LDB2: variants seen among roughly 807,000 people sequenced by gnomAD.
The protein encoded by LDB2 is LIM domain-binding protein 2.
Under a neutral mutation model 44.3 loss-of-function variants are expected in LDB2, and 12 were observed. The ratio of observed to expected loss-of-function variants is 0.27; its 90% confidence interval spans 0.17 to 0.44. LDB2 has a LOEUF of 0.44. LDB2 is among the 20% of genes least tolerant of loss of function. LDB2 has a pLI of 1.00. For missense variants in LDB2, 344 were observed against 473.5 expected, an observed-to-expected ratio of 0.73 and a Z score of 2.54; for synonymous variants, 164 against 174.8, an observed-to-expected ratio of 0.94 and a Z score of 0.49.
At chr4:16,725,986 C>T (rs1484911016) in intron 2 of LDB2, among the ~76,000 whole-genome samples, 1 of 148,194 alleles carries the variant, frequency 6.7e-6, no homozygotes, top group African/African-American at 2.5e-5. Flanking sequence ...ATAAAATATC[C>T]ATTATATACT....
Position 16,502,571 on chromosome 4 carries a change from CTGTAAGTAAAGATT to C in LDB2, c.*58_*71del. ...GTTTTTATCTCTTCTGTTTCCTCTC[CTGTAAGTAAAGATT>C]TGCAATTGTAATGATCACCCACGGG... is the stretch of plus-strand genomic sequence containing the variant. On this transcript the variant is annotated 3_prime_UTR_variant, in exon 8 of 8. Transcript: ENST00000304523. 6.4e-7 allele frequency: 1 copy of C among 1,572,950 alleles called. No individual in the cohort carries two copies. The highest frequency in any genetic ancestry group is 8.7e-7 in the Non-Finnish European group (1 of 1,146,262).
In LDB2 at chr4:16,548,463, G is replaced by T. The variant is rs190534168; in HGVS notation, c.616-36359C>A. Among the ~76,000 whole-genome samples, 7 of 152,236 alleles carry T rather than the reference G, an allele frequency of 4.6e-5. No homozygotes were observed. In the East Asian group the frequency reaches 1.4e-3, roughly 29 times the overall value. On this transcript the variant is annotated intron_variant, in intron 5 of 7. Coordinates refer to ENST00000304523, the MANE Select transcript of LDB2 (RefSeq NM_001290.5). ...CAGCCTCTTCCAGACACTCTCCACT[G>T]CCCTGCAAGCTGAAGGGTAATGATC...
intron 2 of LDB2, among the ~76,000 whole-genome samples, chr4:16,624,317 G>A (rs13107321): frequency 0.36 from 54,258 of 151,804 alleles, 9,828 homozygotes; most frequent in East Asian, 0.56. Context: ...GGCTAGTCTC[G>A]AACTCCTGGG....
At chr4:16,628,687 A>G (rs1451098410) in intron 2 of LDB2, among the ~76,000 whole-genome samples, 1 of 152,140 alleles carries the variant, frequency 6.6e-6, no homozygotes, top group African/African-American at 2.4e-5. Flanking sequence ...AGCGAGATAG[A>G]CGCAGAAGAT....
chr4:16,746,726 G>A (rs1317674427), intron 2 of LDB2, among the ~76,000 whole-genome samples: 1 of 152,232 alleles, frequency 6.6e-6, no homozygotes, highest in African/African-American at 2.4e-5. Context: ...GGCGGAGGTT[G>A]CAGTGAGTCT....
intron 5 of LDB2, among the ~76,000 whole-genome samples, chr4:16,583,076 G>A (rs1000772591): frequency 6.6e-5 from 10 of 152,148 alleles, no homozygotes; most frequent in Non-Finnish European, 1.0e-4. Flanking sequence ...TCAGGGTCTC[G>A]CCTGCTCCTC....
At chr4:16,758,088 A>G (rs1382801779) in intron 2 of LDB2, among the ~76,000 whole-genome samples, 1 of 152,214 alleles carries the variant, frequency 6.6e-6, no homozygotes, top group Non-Finnish European at 1.5e-5. Flanking sequence ...ATGTGCATAT[A>G]TTAGCATAAT....
At position 16,550,590 on chromosome 4, in the gene LDB2, A is replaced by G. The variant is rs903410725; in HGVS notation, c.615+35332T>C. Among the ~76,000 whole-genome samples, 11 of 152,370 alleles carry G rather than the reference A, an allele frequency of 7.2e-5. No individual in the cohort carries two copies. In the East Asian group the frequency reaches 2.1e-3, roughly 29 times the overall value. ...AGAAGGAAACCAATAATGAGAAACCATTTGATATTAAGATTGGTGAAAATT... is the reference window on the plus strand; with the variant it reads ...AGAAGGAAACCAATAATGAGAAACCGTTTGATATTAAGATTGGTGAAAATT... On this transcript the variant is annotated intron_variant, in intron 5 of 7. Coordinates refer to ENST00000304523, the MANE Select transcript of LDB2 (RefSeq NM_001290.5).
intron 1 of LDB2, among the ~76,000 whole-genome samples, chr4:16,832,006 C>T (rs1784149274): frequency 6.6e-6 from 1 of 152,180 alleles, no homozygotes; most frequent in Admixed American, 6.5e-5. Flanking sequence ...CCTGGTGCAT[C>T]TATAAAAGCC....
intron 1 of LDB2, among the ~76,000 whole-genome samples, chr4:16,869,143 T>C (rs1259256332): frequency 6.6e-6 from 1 of 152,092 alleles, no homozygotes; most frequent in Non-Finnish European, 1.5e-5. Flanking sequence ...ATTGTTATTA[T>C]TATTATTTTA....
intron 1 of LDB2, among the ~76,000 whole-genome samples, chr4:16,824,074 A>C (rs769351318): frequency 1.1e-4 from 16 of 152,258 alleles, no homozygotes; most frequent in Admixed American, 2.6e-4. Context: ...TTTAGGAATA[A>C]AAGTACTGCT....
chr4:16,749,587 A>AT lies in LDB2; in HGVS notation c.235+9570_235+9571insA, dbSNP rs1261987472. On this transcript the variant is annotated intron_variant, in intron 2 of 7. Transcript: ENST00000304523. ...AAAAAAAAAAATAAAAAAATAAAAA[A>AT]AAATATATATATATATATATGAGTC... Among the ~76,000 whole-genome samples the AT allele has an allele frequency of 2.1e-3, 299 of 145,478 alleles. 1 individual carries two copies. Among genetic ancestry groups the AT allele is most frequent in the South Asian group, 4.9e-3 (23 of 4,696 alleles).
At chr4:16,657,055 C>T (rs925412860) in intron 2 of LDB2, among the ~76,000 whole-genome samples, 22 of 152,084 alleles carry the variant, frequency 1.4e-4, no homozygotes, top group African/African-American at 5.1e-4. Context: ...ACTATAATTT[C>T]CTGCAGAAGA....
intron 2 of LDB2, among the ~76,000 whole-genome samples, chr4:16,755,529 G>GTGT (rs1766419472): frequency 5.4e-4 from 13 of 24,066 alleles, no homozygotes; most frequent in African/African-American, 1.4e-3. Flanking sequence ...GTGTGTATGT[G>GTGT]AGAGAGAGAG....
At chr4:16,584,457 G>A (rs1309268804) in intron 5 of LDB2, among the ~76,000 whole-genome samples, 1 of 152,216 alleles carries the variant, frequency 6.6e-6, no homozygotes, top group Non-Finnish European at 1.5e-5. Context: ...TCTGCCACTT[G>A]TGTGTAAAGC....
At chr4:16,536,124 T>C (rs1731761561) in intron 5 of LDB2, among the ~76,000 whole-genome samples, 1 of 152,188 alleles carries the variant, frequency 6.6e-6, no homozygotes, top group Non-Finnish European at 1.5e-5. Flanking sequence ...TACAGGATGG[T>C]CGGCCCTCTC....
At chr4:16,880,387 G>A (rs983223245) in intron 1 of LDB2, among the ~76,000 whole-genome samples, 5 of 152,160 alleles carry the variant, frequency 3.3e-5, no homozygotes, top group African/African-American at 1.2e-4. Context: ...TGGAGCTAAT[G>A]TCTGCCAGGA....
intron 2 of LDB2, among the ~76,000 whole-genome samples, chr4:16,716,880 A>G (rs1757166114): frequency 6.6e-6 from 1 of 152,062 alleles, no homozygotes; most frequent in Non-Finnish European, 1.5e-5. Flanking sequence ...ATATTCATGT[A>G]TTTATTTTAA....
At chr4:16,766,498 GT>G (rs1769295328) in intron 1 of LDB2, among the ~76,000 whole-genome samples, 1 of 105,928 alleles carries the variant, frequency 9.4e-6, no homozygotes, top group Non-Finnish European at 1.9e-5. Flanking sequence ...GTGTGTGTGT[GT>G]GTGTGTATAT....
Sources: gnomAD v4.1 joint callset for allele counts (sites outside exome capture counted in the v4.1 genomes callset) on GRCh38, gnomAD v4.1.1 for gene constraint, MANE v1.5 for transcripts, NCBI Gene and HGNC (gene_info 2026-07-23, HGNC 2026-07-21) for gene names.